CCNJL: variants seen among roughly 807,000 people sequenced by gnomAD.
The protein encoded by CCNJL is cyclin J like.
In CCNJL, 33 loss-of-function variants were observed where a neutral mutation model predicts 33.4. The observed-to-expected ratio is 0.99, with a 90% confidence interval of 0.75 to 1.32. The LOEUF (loss-of-function observed/expected upper bound fraction) is 1.32, where lower values mean the gene tolerates loss of function less well. CCNJL is among the 40% of genes most tolerant of loss of function. The probability of loss-of-function intolerance (pLI) is 0.00; values close to 1 mark genes in which losing one functional copy is unlikely to be tolerated. For synonymous variants in CCNJL, 227 were observed against 220.9 expected (o/e 1.03, Z -0.24); for missense variants, 512 against 499.7 (o/e 1.02, Z -0.23).
intron 1 of CCNJL, among the ~76,000 whole-genome samples, chr5:160,329,332 G>A (rs1337388492): frequency 1.3e-5 from 2 of 151,046 alleles, no homozygotes; most frequent in African/African-American, 4.9e-5. Context: ...ACCTGAGCCA[G>A]TATGATAAGG....
intron 3 of CCNJL, among the ~76,000 whole-genome samples, chr5:160,278,862 G>A (rs1241764231): frequency 5.3e-5 from 8 of 152,222 alleles, no homozygotes; most frequent in African/African-American, 1.7e-4. Flanking sequence ...CTCCACAGCC[G>A]GAGATGTTTC....
intron 1 of CCNJL, among the ~76,000 whole-genome samples, chr5:160,320,788 C>CTTT (rs1763431527): frequency 4.3e-5 from 5 of 116,320 alleles, no homozygotes; most frequent in African/African-American, 7.1e-5. Context: ...TTCTTTCTTT[C>CTTT]CTTTCTTTCT....
In CCNJL at chr5:160,259,764, G is replaced by C. The variant is rs756671371; in HGVS notation, c.288C>G (p.Phe96Leu). ...AVSCLLLASK[F>L]EDREDHVPKL... ...TGGGGACGTGGTCTTCCCGATCCTCGAACTTACCTGTCGGGGAGCAGGGGA... is the reference window on the plus strand; with the variant it reads ...TGGGGACGTGGTCTTCCCGATCCTCCAACTTACCTGTCGGGGAGCAGGGGA... Residue 96 changes from phenylalanine to leucine, a missense_variant, in exon 4 of 6, where the codon TTC becomes TTG. Coordinates refer to ENST00000257536, the MANE Select transcript of CCNJL (RefSeq NM_001308173.3). 3 of 1,605,470 alleles carry C rather than the reference G, an allele frequency of 1.9e-6. No homozygotes were observed. Among genetic ancestry groups the C allele is most frequent in the South Asian group, 2.2e-5 (2 of 89,746 alleles).
intron 1 of CCNJL, 106 bp from the exon 2 acceptor site, chr5:160,312,078 C>T: frequency 2.9e-6 from 2 of 700,550 alleles, no homozygotes; most frequent in South Asian, 1.7e-5. Flanking sequence ...CGGGCGCCCC[C>T]TCCTGCGCCG....
upstream of CCNJL, among the ~76,000 whole-genome samples, chr5:160,314,519 C>T (rs374680219): frequency 3.3e-4 from 50 of 152,110 alleles, no homozygotes; most frequent in African/African-American, 1.1e-3. Flanking sequence ...AAAACATACA[C>T]GAATTATACG....
At chr5:160,328,998 T>C (rs1037885849) in intron 1 of CCNJL, among the ~76,000 whole-genome samples, 38 of 152,090 alleles carry the variant, frequency 2.5e-4, no homozygotes, top group African/African-American at 8.7e-4. Flanking sequence ...ACCAAGACCA[T>C]CTGGTTCCAC....
intron 2 of CCNJL, among the ~76,000 whole-genome samples, chr5:160,291,663 A>T (rs1178434826): frequency 3.3e-5 from 5 of 152,218 alleles, no homozygotes; most frequent in Admixed American, 2.6e-4. Context: ...GATGCCTAAT[A>T]ATTCAATGAT....
At chr5:160,326,904 A>G in intron 1 of CCNJL, 1 of 672,922 alleles carries the variant, frequency 1.5e-6, no homozygotes, top group South Asian at 1.4e-5. Context: ...AAACAAAGTC[A>G]TGAATACGAC....
At chr5:160,266,655 G>C (rs887015294) in intron 3 of CCNJL, among the ~76,000 whole-genome samples, 1 of 152,162 alleles carries the variant, frequency 6.6e-6, no homozygotes, top group African/African-American at 2.4e-5. Context: ...GCATGTGGGA[G>C]GTGCTCTATA....
At chr5:160,321,058 CTT>C (rs1482123900) in intron 1 of CCNJL, among the ~76,000 whole-genome samples, 4 of 120,790 alleles carry the variant, frequency 3.3e-5, no homozygotes, top group African/African-American at 1.7e-4. Context: ...TTCTTTCTTT[CTT>C]TCTTTCTTTC....
intron 3 of CCNJL, among the ~76,000 whole-genome samples, chr5:160,278,418 C>T (rs866072361): frequency 6.6e-6 from 1 of 152,098 alleles, no homozygotes; most frequent in African/African-American, 2.4e-5. Flanking sequence ...CCAAACTTCC[C>T]GAGGCAAGGG....
chr5:160,253,481 T>C lies in CCNJL; in HGVS notation c.1061A>G (p.His354Arg), dbSNP rs778185097. ...CCTGGGCTCAGCTGCAATGGCCATA[T>C]GCATGCTAAGGGATGCAGGGACGGG... ...PVPVPASLSM[H>R]MAIAAEPRHC... Residue 354 changes from histidine (H) to arginine (R), a missense_variant, in exon 6 of 6, where the codon CAT becomes CGT. By Grantham distance (29) the His-to-Arg change is conservative (BLOSUM62 0). Transcript: ENST00000257536. The C allele has an allele frequency of 1.2e-6, 2 of 1,614,056 alleles. No homozygotes were observed. The highest frequency in any genetic ancestry group is 3.3e-5 in the Admixed American group (2 of 60,006).
intron 4 of CCNJL, chr5:160,258,493 T>C: frequency 2.2e-6 from 3 of 1,362,332 alleles, no homozygotes; most frequent in Middle Eastern, 2.5e-4. Flanking sequence ...TAAAGAGCAG[T>C]GGACCAAATA....
intron 4 of CCNJL, 25 bp downstream of exon 4, chr5:160,259,444 C>G (rs1233175743): frequency 1.3e-6 from 2 of 1,587,896 alleles, no homozygotes; most frequent in Non-Finnish European, 1.7e-6. Context: ...GGTGGGAGGT[C>G]CTGCCATCGG....
intron 3 of CCNJL, among the ~76,000 whole-genome samples, chr5:160,275,817 A>G (rs1157713943): frequency 7.1e-6 from 1 of 141,114 alleles, no homozygotes; most frequent in Non-Finnish European, 1.6e-5. Flanking sequence ...CCCTGGGGCC[A>G]AAGACTCAAT....
chr5:160,279,005 T>C (rs1171197059), intron 3 of CCNJL, among the ~76,000 whole-genome samples: 1 of 152,150 alleles, frequency 6.6e-6, no homozygotes, highest in African/African-American at 2.4e-5. Flanking sequence ...TCACCAAATG[T>C]GGGGCTATGA....
intron 2 of CCNJL, among the ~76,000 whole-genome samples, chr5:160,295,671 GGA>G (rs1420134379): frequency 6.6e-6 from 1 of 152,062 alleles, no homozygotes; most frequent in African/African-American, 2.4e-5. Flanking sequence ...TTGTGAAGAT[GGA>G]GGCAGAAACT....
intron 4 of CCNJL, chr5:160,258,561 A>G (rs1385025378): frequency 2.8e-5 from 42 of 1,511,184 alleles, no homozygotes; most frequent in Non-Finnish European, 3.8e-5. Flanking sequence ...GGGAAAGAAA[A>G]GAAAGAGCAG....
At chr5:160,304,822 C>CTTTTT (rs10658968) in intron 2 of CCNJL, among the ~76,000 whole-genome samples, 1,896 of 146,174 alleles carry the variant, frequency 0.013, 38 homozygotes, top group African/African-American at 0.043. Context: ...TACTTTCTTT[C>CTTTTT]TTTTTTTTTT....
Sources: allele counts gnomAD v4.1 joint callset (sites outside exome capture counted in the v4.1 genomes callset), GRCh38; gene constraint gnomAD v4.1.1; transcripts MANE v1.5; gene names NCBI Gene and HGNC (gene_info 2026-07-23, HGNC 2026-07-21).